Variants in ERGIC1 observed in about 807,000 individuals in gnomAD.
ERGIC1 encodes endoplasmic reticulum-golgi intermediate compartment 1, also known as endoplasmic reticulum-Golgi intermediate compartment protein 1.
In ERGIC1, 19 loss-of-function variants were observed where a neutral mutation model predicts 38.3. That is an observed-to-expected ratio of 0.50 (90% confidence interval 0.35 to 0.73). The LOEUF is 0.73. Ranked by LOEUF, ERGIC1 falls within the 30% of genes least tolerant of loss-of-function variation. The probability of loss-of-function intolerance (pLI) is 0.01; values close to 1 mark genes in which losing one functional copy is unlikely to be tolerated. For synonymous variants in ERGIC1, 124 were observed against 157.6 expected (o/e 0.79, Z 1.60); for missense variants, 294 against 389.2 (o/e 0.76, Z 2.06).
chr5:172,859,690 TGCTGGGCCTGG>T (rs1761647818), intron 1 of ERGIC1, among the ~76,000 whole-genome samples: 1 of 152,222 alleles, frequency 6.6e-6, no homozygotes. Flanking sequence ...ACACCTCATG[TGCTGGGCCTGG>T]GCTGGATTGC....
intron 1 of ERGIC1, among the ~76,000 whole-genome samples, chr5:172,879,240 G>A (rs557403009): frequency 8.5e-5 from 13 of 152,376 alleles, no homozygotes; most frequent in African/African-American, 3.1e-4. Context: ...CCATTAGTCA[G>A]ACATTTCCAG....
At chr5:172,943,933 AAC>A (rs1764063613) in intron 9 of ERGIC1, among the ~76,000 whole-genome samples, 1 of 152,210 alleles carries the variant, frequency 6.6e-6, no homozygotes, top group African/African-American at 2.4e-5. Flanking sequence ...ATGTAAGGGA[AAC>A]ACACACGCAC....
At chr5:172,845,498 G>T (rs773147202) in intron 1 of ERGIC1, among the ~76,000 whole-genome samples, 2 of 152,208 alleles carry the variant, frequency 1.3e-5, no homozygotes, top group Non-Finnish European at 2.9e-5. Flanking sequence ...AGAGTCATCT[G>T]TTGGTTGAAC....
At chr5:172,940,620 G>A (rs1246563692) in intron 9 of ERGIC1, among the ~76,000 whole-genome samples, 2 of 152,128 alleles carry the variant, frequency 1.3e-5, no homozygotes, top group Non-Finnish European at 2.9e-5. Flanking sequence ...GATGGTTTTT[G>A]CCCACCAAGA....
At chr5:172,949,661 G>GGA (rs1554114799) in intron 9 of ERGIC1, among the ~76,000 whole-genome samples, 2 of 151,736 alleles carry the variant, frequency 1.3e-5, no homozygotes, top group African/African-American at 4.8e-5. Context: ...GTGGCGGGGG[G>GGA]GGGTATGATT....
At chr5:172,908,822 C>T (rs1033709729) in intron 3 of ERGIC1, among the ~76,000 whole-genome samples, 3 of 152,176 alleles carry the variant, frequency 2.0e-5, no homozygotes, top group African/African-American at 4.8e-5. Flanking sequence ...TTAATACAGC[C>T]GTCAAGTCGT....
intron 3 of ERGIC1, 69 bp from the exon 4 acceptor site, chr5:172,909,598 G>A (rs767588439): frequency 4.5e-5 from 65 of 1,436,112 alleles, no homozygotes; most frequent in Non-Finnish European, 6.0e-5. Flanking sequence ...AGTGATCCCC[G>A]GCTGTCCCCC....
At chr5:172,945,468 C>A (rs1341517824) in intron 9 of ERGIC1, among the ~76,000 whole-genome samples, 1 of 152,162 alleles carries the variant, frequency 6.6e-6, no homozygotes, top group Non-Finnish European at 1.5e-5. Context: ...AGTTGAGACC[C>A]AAAGGCGTGC....
Position 172,924,103 on chromosome 5 carries a change from G to A in ERGIC1, c.474G>A (p.Thr158=), listed in dbSNP as rs781230483. 36 of 1,613,876 alleles carry A rather than the reference G, an allele frequency of 2.2e-5. No homozygotes were observed. In the South Asian group the frequency reaches 3.2e-4, roughly 14 times the overall value. ...TCCACAAGCTCTCCTTTGGGGACAC[G>A]CTACAGGTGAGCAGGGGACACTCGA... The part of the protein sequence containing the change: ...HVIHKLSFGD[T]LQVQNIHGAF... Residue 158 remains threonine, a synonymous_variant, in exon 6 of 10, where the codon ACG becomes ACA. Coordinates refer to ENST00000393784, the MANE Select transcript of ERGIC1 (RefSeq NM_001031711.3).
chr5:172,936,264 G>A (rs1362643613), intron 9 of ERGIC1: 3 of 152,216 alleles, frequency 2.0e-5, no homozygotes, highest in South Asian at 2.1e-4. Context: ...CTCTATCTTC[G>A]GATCTGCTTT....
In ERGIC1 at chr5:172,914,170, G is replaced by A. The variant is rs575904987; in HGVS notation, c.251-544G>A. ...GAATTGCTTGAATGCAGGAGGCGGA[G>A]GTTGCAGTGAGTCGAGAGCATGCCA... is the stretch of plus-strand genomic sequence containing the variant. On this transcript the variant is annotated intron_variant, in intron 4 of 9. Coordinates refer to ENST00000393784, the MANE Select transcript of ERGIC1 (RefSeq NM_001031711.3). 2.0e-5 allele frequency among the ~76,000 whole-genome samples: 3 copies of A among 150,392 alleles called. No homozygotes were observed. The South Asian group carries it at 6.3e-4, about 32-fold the overall frequency.
At chr5:172,857,588 G>GCCCCC (rs57477954) in intron 1 of ERGIC1, among the ~76,000 whole-genome samples, 31 of 132,676 alleles carry the variant, frequency 2.3e-4, no homozygotes, top group African/African-American at 4.4e-4. Flanking sequence ...TAATAATGGT[G>GCCCCC]CCCCCCCCAC....
intron 3 of ERGIC1, among the ~76,000 whole-genome samples, chr5:172,902,287 T>C (rs1762903258): frequency 6.6e-6 from 1 of 152,082 alleles, no homozygotes; most frequent in Admixed American, 6.5e-5. Flanking sequence ...AGGCTCCCCG[T>C]AGGAGGCCCG....
intron 1 of ERGIC1, among the ~76,000 whole-genome samples, chr5:172,843,889 G>A (rs1345746024): frequency 1.3e-5 from 2 of 152,228 alleles, no homozygotes; most frequent in Non-Finnish European, 2.9e-5. Context: ...CTTTCTTTGC[G>A]GGGATTTTGT....
At chr5:172,856,006 A>G (rs779793886) in intron 1 of ERGIC1, among the ~76,000 whole-genome samples, 1 of 152,236 alleles carries the variant, frequency 6.6e-6, no homozygotes, top group Non-Finnish European at 1.5e-5. Flanking sequence ...AGTTCATCAA[A>G]TGTCACTTAT....
chr5:172,855,193 C>T (rs1333399057), intron 1 of ERGIC1, among the ~76,000 whole-genome samples: 5 of 152,224 alleles, frequency 3.3e-5, no homozygotes, highest in African/African-American at 9.6e-5. Flanking sequence ...CCAGGACACA[C>T]TGCCGGGTGG....
At chr5:172,883,114 C>G (rs1300053530) in intron 1 of ERGIC1, among the ~76,000 whole-genome samples, 1 of 152,120 alleles carries the variant, frequency 6.6e-6, no homozygotes, top group Non-Finnish European at 1.5e-5. Flanking sequence ...CTCTGTCTTT[C>G]ATGTTTTTTT....
intron 9 of ERGIC1, among the ~76,000 whole-genome samples, chr5:172,941,186 G>A (rs920242488): frequency 1.3e-5 from 2 of 151,966 alleles, no homozygotes; most frequent in Non-Finnish European, 2.9e-5. Flanking sequence ...GCAGTTGGAG[G>A]CTGAGACAGG....
intron 1 of ERGIC1, among the ~76,000 whole-genome samples, chr5:172,851,861 A>C (rs1761417244): frequency 6.6e-6 from 1 of 152,130 alleles, no homozygotes; most frequent in Non-Finnish European, 1.5e-5. Flanking sequence ...TCTCATTTGC[A>C]AAACAAGAGT....
Sources: gnomAD v4.1 joint callset for allele counts (sites outside exome capture counted in the v4.1 genomes callset) on GRCh38, gnomAD v4.1.1 for gene constraint, MANE v1.5 for transcripts, NCBI Gene and HGNC (gene_info 2026-07-23, HGNC 2026-07-21) for gene names.